Variants in CTNNA2 observed in about 807,000 individuals in gnomAD.
CTNNA2 encodes catenin alpha 2.
CTNNA2 carries 42 observed loss-of-function variants against 101.0 expected under a neutral mutation model. The observed-to-expected ratio is 0.42, with a 90% confidence interval of 0.32 to 0.54. CTNNA2 has a LOEUF of 0.54. CTNNA2 is among the 20% of genes least tolerant of loss of function. The pLI, the probability that CTNNA2 is intolerant of heterozygous loss-of-function variation, is 0.14. For synonymous variants in CTNNA2, 450 were observed against 456.4 expected (o/e 0.99, Z 0.18); for missense variants, 871 against 1,223.1 (o/e 0.71, Z 4.29).
intron 7 of CTNNA2, among the ~76,000 whole-genome samples, chr2:80,006,304 T>C (rs1303324492): frequency 1.3e-5 from 2 of 150,120 alleles, no homozygotes; most frequent in Non-Finnish European, 3.0e-5. Context: ...TTTAAAATGA[T>C]ACATTTTGCA....
At chr2:79,832,597 G>A (rs1574084086) in intron 3 of CTNNA2, among the ~76,000 whole-genome samples, 1 of 152,050 alleles carries the variant, frequency 6.6e-6, no homozygotes, top group African/African-American at 2.4e-5. Flanking sequence ...TCAGTCATTG[G>A]TTGTCTCATG....
chr2:80,278,284 C>T (rs1391290824), intron 7 of CTNNA2, among the ~76,000 whole-genome samples: 1 of 152,060 alleles, frequency 6.6e-6, no homozygotes, highest in Non-Finnish European at 1.5e-5. Context: ...AAAATAATAA[C>T]AAAAAGCTCC....
intron 7 of CTNNA2, among the ~76,000 whole-genome samples, chr2:79,944,978 T>G (rs556706194): frequency 6.6e-6 from 1 of 152,300 alleles, no homozygotes; most frequent in East Asian, 1.9e-4. Context: ...AAAATGAGAG[T>G]ACTTAATGTT....
At chr2:80,422,763 A>G (rs973801830) in intron 9 of CTNNA2, among the ~76,000 whole-genome samples, 16 of 152,202 alleles carry the variant, frequency 1.1e-4, no homozygotes, top group Non-Finnish European at 8.8e-5. Context: ...CCCTTAAAAA[A>G]TGAATTGAAA....
intron 3 of CTNNA2, among the ~76,000 whole-genome samples, chr2:79,849,415 G>A (rs1348897382): frequency 6.6e-6 from 1 of 151,828 alleles, no homozygotes; most frequent in Non-Finnish European, 1.5e-5. Flanking sequence ...ACTGCTTGGT[G>A]CTTAAAGTGT....
chr2:80,443,580 T>C (rs1398367542), intron 9 of CTNNA2, among the ~76,000 whole-genome samples: 1 of 152,232 alleles, frequency 6.6e-6, no homozygotes, highest in Middle Eastern at 3.4e-3. Flanking sequence ...AGTAGTATAG[T>C]GTGTGGTTAA....
At chr2:80,006,154 G>A (rs1693326501) in intron 7 of CTNNA2, among the ~76,000 whole-genome samples, 1 of 152,022 alleles carries the variant, frequency 6.6e-6, no homozygotes, top group South Asian at 2.1e-4. Flanking sequence ...TATTTTAACA[G>A]TATTTAATTG....
At position 80,122,236 on chromosome 2, in the gene CTNNA2, CTCTA is replaced by C. The variant is rs573154944; in HGVS notation, c.1056+212443_1056+212446del. ...CCTATTTCTTTGTCTCTGCCTCTTT[CTCTA>C]TCTCTCTTCCCTCTCTCTGTTTCCC... On this transcript the variant is annotated intron_variant, in intron 7 of 18. Coordinates refer to ENST00000402739, the MANE Select transcript of CTNNA2 (RefSeq NM_001282597.3). Among the ~76,000 whole-genome samples the C allele has an allele frequency of 1.3e-4, 19 of 151,426 alleles. No individual in the cohort carries two copies. In the East Asian group the frequency reaches 3.1e-3, roughly 25 times the overall value.
intron 7 of CTNNA2, among the ~76,000 whole-genome samples, chr2:80,331,579 G>C (rs1247789796): frequency 1.3e-5 from 2 of 152,106 alleles, no homozygotes; most frequent in African/African-American, 4.8e-5. Context: ...AGCATCTCTT[G>C]CATGATGCCC....
rs536724804 is a variant in CTNNA2 at position 80,075,599 on chromosome 2, A to T, written c.1056+165802A>T. 4.1e-4 allele frequency among the ~76,000 whole-genome samples: 40 copies of T among 98,566 alleles called. 1 individual carries two copies. The highest frequency in any genetic ancestry group is 1.7e-3 in the African/African-American group (39 of 23,356). The allele number at this position is 98,566 out of a possible 152,430, so 64.7% of individuals were successfully genotyped here. A position where few individuals can be genotyped will look rare whatever the true frequency, so the allele number is the denominator to read the frequency against. On this transcript the variant is annotated intron_variant, in intron 7 of 18. Transcript: ENST00000402739. Reference sequence around the variant, plus strand: ...TAATATTTATACATGTATAAATATAAATATTTATACATGTATAAATATAAA... The same window carrying T: ...TAATATTTATACATGTATAAATATATATATTTATACATGTATAAATATAAA...
At chr2:79,456,454 T>C (rs190005913) in intron 4 of CTNNA2, among the ~76,000 whole-genome samples, 26 of 152,322 alleles carry the variant, frequency 1.7e-4, no homozygotes, top group Middle Eastern at 3.4e-3. Flanking sequence ...ATTCCAAATC[T>C]ATTAAAGTTA....
chr2:80,318,717 CA>C (rs1226073635), intron 7 of CTNNA2, among the ~76,000 whole-genome samples: 1 of 152,108 alleles, frequency 6.6e-6, no homozygotes, highest in Non-Finnish European at 1.5e-5. Context: ...TAGACTGAGA[CA>C]GAGTAAATTT....
intron 4 of CTNNA2, among the ~76,000 whole-genome samples, chr2:79,495,117 C>CA (rs1309934851): frequency 1.3e-5 from 2 of 151,820 alleles, no homozygotes; most frequent in Non-Finnish European, 2.9e-5. Context: ...CAAAACAAAA[C>CA]AAAAAACAAA....
intron 4 of CTNNA2, among the ~76,000 whole-genome samples, chr2:79,387,251 C>T (rs1465247557): frequency 6.6e-6 from 1 of 152,142 alleles, no homozygotes; most frequent in Non-Finnish European, 1.5e-5. Flanking sequence ...TGGGCTTTGG[C>T]CAGTCTGCCT....
intron 7 of CTNNA2, among the ~76,000 whole-genome samples, chr2:80,108,690 T>C (rs1701031542): frequency 6.6e-6 from 1 of 152,216 alleles, no homozygotes; most frequent in Middle Eastern, 3.2e-3. Flanking sequence ...TTGCTGATTT[T>C]ACTCACTTTA....
chr2:79,900,737 T>A (rs1447917266), intron 6 of CTNNA2, among the ~76,000 whole-genome samples: 1 of 152,044 alleles, frequency 6.6e-6, no homozygotes, highest in Non-Finnish European at 1.5e-5. Context: ...ATTTAAATAT[T>A]AAAAGGTAAA....
chr2:79,469,491 T>C (rs1435556745), intron 4 of CTNNA2, among the ~76,000 whole-genome samples: 1 of 152,000 alleles, frequency 6.6e-6, no homozygotes, highest in Non-Finnish European at 1.5e-5. Flanking sequence ...ACTATTCCAA[T>C]CAATAGAAAA....
chr2:79,573,611 A>G (rs543560191), intron 1 of CTNNA2, among the ~76,000 whole-genome samples: 7 of 152,374 alleles, frequency 4.6e-5, no homozygotes, highest in African/African-American at 1.7e-4. Flanking sequence ...TAAACATAGA[A>G]CCACGATTTT....
intron 9 of CTNNA2, among the ~76,000 whole-genome samples, chr2:80,536,777 T>G (rs896559401): frequency 6.6e-6 from 1 of 152,220 alleles, no homozygotes; most frequent in Non-Finnish European, 1.5e-5. Context: ...GTGGCTCTTT[T>G]GAGACAGAGC....
Sources: allele counts gnomAD v4.1 joint callset (sites outside exome capture counted in the v4.1 genomes callset), GRCh38; gene constraint gnomAD v4.1.1; transcripts MANE v1.5; gene names NCBI Gene and HGNC (gene_info 2026-07-23, HGNC 2026-07-21).